SYNDIG1: variants seen among roughly 807,000 people sequenced by gnomAD.
SYNDIG1 encodes the protein synapse differentiation inducing 1.
In SYNDIG1, 9 loss-of-function variants were observed where a neutral mutation model predicts 19.4. The ratio of observed to expected loss-of-function variants is 0.46; its 90% CI spans 0.28 to 0.81. The LOEUF is 0.81. Among genes scored for constraint, SYNDIG1 ranks in the 30% least tolerant of loss-of-function variants. The pLI is 0.12. For synonymous variants in SYNDIG1, 141 were observed against 145.9 expected (o/e 0.97, Z 0.24); for missense variants, 311 against 343.3 (o/e 0.91, Z 0.74).
intron 2 of SYNDIG1, among the ~76,000 whole-genome samples, chr20:24,582,411 G>A (rs1437167322): frequency 7.0e-5 from 6 of 86,284 alleles, no homozygotes; most frequent in South Asian, 8.6e-4. Flanking sequence ...TGTCCTCCCC[G>A]CTGCACATCC....
intron 3 of SYNDIG1, among the ~76,000 whole-genome samples, chr20:24,635,530 C>T (rs2059306520): frequency 1.3e-5 from 2 of 152,210 alleles, no homozygotes; most frequent in Admixed American, 1.3e-4. Flanking sequence ...GGTCTCTGTG[C>T]TGGTTGGGTC....
At chr20:24,589,999 C>T (rs1600697441) in intron 3 of SYNDIG1, among the ~76,000 whole-genome samples, 1 of 152,226 alleles carries the variant, frequency 6.6e-6, no homozygotes, top group East Asian at 1.9e-4. Context: ...TCCCGCTTGT[C>T]AGAGCTAACG....
chr20:24,470,497 G>A lies in SYNDIG1; in HGVS notation c.-79+744G>A, dbSNP rs139225792. ...CCACAGCCCTGGCGCCGAGATGGGAGCGAGCACATACGCTTTTTTGGTTCC... is the reference window on the plus strand; with the variant it reads ...CCACAGCCCTGGCGCCGAGATGGGAACGAGCACATACGCTTTTTTGGTTCC... On this transcript the variant is annotated intron_variant, in intron 1 of 3. Transcript: ENST00000376862. Among the ~76,000 whole-genome samples, 871 of 152,332 alleles carry A rather than the reference G, an allele frequency of 5.7e-3. 9 individuals are homozygous for A. The highest frequency in any genetic ancestry group is 0.019 in the African/African-American group (808 of 41,578).
In SYNDIG1 at chr20:24,553,119, T is replaced by G. The variant is rs866871913; in HGVS notation, c.480+9542T>G. 8.7e-3 allele frequency among the ~76,000 whole-genome samples: 1,318 copies of G among 151,832 alleles called. 17 individuals are homozygous for G. The highest frequency in any genetic ancestry group is 0.03 in the African/African-American group (1,230 of 41,310). On this transcript the variant is annotated intron_variant, in intron 2 of 3. Transcript: ENST00000376862. ...TGCATAAATGTCTTCTTTTGAGAAG[T>G]GTCTGTTCATGTCCTTCGCCCACTT... is the stretch of plus-strand genomic sequence containing the variant.
intron 3 of SYNDIG1, among the ~76,000 whole-genome samples, chr20:24,596,473 G>A (rs1276568629): frequency 6.6e-6 from 1 of 151,990 alleles, no homozygotes; most frequent in African/African-American, 2.4e-5. Context: ...CCATCTCCCG[G>A]GTTCAAGCAA....
chr20:24,592,954 T>C (rs2058536761), intron 3 of SYNDIG1, among the ~76,000 whole-genome samples: 1 of 152,102 alleles, frequency 6.6e-6, no homozygotes, highest in African/African-American at 2.4e-5. Context: ...GATTTGCCCA[T>C]GGAAAAAGTT....
At chr20:24,617,424 C>T (rs1030732225) in intron 3 of SYNDIG1, among the ~76,000 whole-genome samples, 14 of 152,220 alleles carry the variant, frequency 9.2e-5, no homozygotes, top group Non-Finnish European at 1.8e-4. Flanking sequence ...AATGGACTTG[C>T]GTGCCTTCCT....
intron 1 of SYNDIG1, among the ~76,000 whole-genome samples, chr20:24,538,628 T>G (rs908922282): frequency 1.8e-4 from 28 of 152,190 alleles, no homozygotes; most frequent in African/African-American, 6.3e-4. Context: ...GAAGTGGAAT[T>G]TCTGGACCAT....
chr20:24,579,154 G>A (rs2058281522), intron 2 of SYNDIG1, among the ~76,000 whole-genome samples: 1 of 152,234 alleles, frequency 6.6e-6, no homozygotes, highest in East Asian at 1.9e-4. Context: ...TGGCGAGAAT[G>A]GAAAGAATAC....
intron 3 of SYNDIG1, among the ~76,000 whole-genome samples, chr20:24,634,522 C>T (rs2147314962): frequency 6.6e-6 from 1 of 152,296 alleles, no homozygotes; most frequent in African/African-American, 2.4e-5. Context: ...GCCTGTCTTT[C>T]CCACCTGAGC....
At chr20:24,553,002 C>G (rs1433237810) in intron 2 of SYNDIG1, among the ~76,000 whole-genome samples, 7 of 151,926 alleles carry the variant, frequency 4.6e-5, no homozygotes, top group South Asian at 2.1e-4. Context: ...GATTGCCATT[C>G]TAACTGGTGT....
intron 3 of SYNDIG1, among the ~76,000 whole-genome samples, chr20:24,626,619 A>G (rs1466697425): frequency 6.6e-6 from 1 of 150,508 alleles, no homozygotes; most frequent in African/African-American, 2.5e-5. Flanking sequence ...GGGGCTCCTC[A>G]CATCCCAGAC....
chr20:24,529,841 G>GGTGGTGATGGTGATGGTA (rs2057206098), intron 1 of SYNDIG1, among the ~76,000 whole-genome samples: 1 of 149,472 alleles, frequency 6.7e-6, no homozygotes, highest in African/African-American at 2.5e-5. Context: ...TGGTGACGGT[G>GGTGGTGATGGTGATGGTA]GTACTCCTTC....
Position 24,602,252 on chromosome 20 carries a change from GT to G in SYNDIG1, c.618+17262del, listed in dbSNP as rs1292030816. Among the ~76,000 whole-genome samples the G allele has an allele frequency of 3.3e-5, 5 of 152,178 alleles. No individual in the cohort carries two copies. In the South Asian group the frequency reaches 1.0e-3, roughly 31 times the overall value. On this transcript the variant is annotated intron_variant, in intron 3 of 3. Coordinates refer to ENST00000376862, the MANE Select transcript of SYNDIG1 (RefSeq NM_024893.3). The stretch of plus-strand genomic sequence containing the variant: ...TGTTACTGATTTTATGCTGGTCATT[GT>G]TTCTGACAAAGTATTCATAGTAATA...
chr20:24,552,954 C>T (rs2057735939), intron 2 of SYNDIG1, among the ~76,000 whole-genome samples: 2 of 152,152 alleles, frequency 1.3e-5, no homozygotes, highest in Non-Finnish European at 2.9e-5. Flanking sequence ...TATTTCTCCA[C>T]ATCCTCTCCA....
intron 2 of SYNDIG1, among the ~76,000 whole-genome samples, chr20:24,564,108 T>G (rs922645287): frequency 6.6e-6 from 1 of 152,168 alleles, no homozygotes; most frequent in Non-Finnish European, 1.5e-5. Context: ...CTGACCAATG[T>G]AGATAAAAAC....
At chr20:24,620,865 CT>C (rs1568691269) in intron 3 of SYNDIG1, among the ~76,000 whole-genome samples, 6 of 152,200 alleles carry the variant, frequency 3.9e-5, no homozygotes. Flanking sequence ...AACAAAATCT[CT>C]TTGACCTAAA....
chr20:24,511,319 C>T (rs1400650175), intron 1 of SYNDIG1, among the ~76,000 whole-genome samples: 2 of 152,278 alleles, frequency 1.3e-5, no homozygotes, highest in East Asian at 3.9e-4. Flanking sequence ...ATGTTAGTTC[C>T]TCAGTGTAGG....
chr20:24,551,045 C>A (rs1039308561), intron 2 of SYNDIG1, among the ~76,000 whole-genome samples: 3 of 152,112 alleles, frequency 2.0e-5, no homozygotes, highest in African/African-American at 7.2e-5. Flanking sequence ...GGAATTATTT[C>A]TCTCTTTATT....
Sources: gnomAD v4.1 joint callset for allele counts (sites outside exome capture counted in the v4.1 genomes callset) on GRCh38, gnomAD v4.1.1 for gene constraint, MANE v1.5 for transcripts, NCBI Gene and HGNC (gene_info 2026-07-23, HGNC 2026-07-21) for gene names.